The following SLC22A23 variants were observed in gnomAD, a reference collection of about 807,000 sequenced individuals.
The protein encoded by SLC22A23 is ion transporter protein.
SLC22A23 carries 26 observed loss-of-function variants against 61.0 expected under a neutral mutation model. The ratio of observed to expected loss-of-function variants is 0.43; its 90% CI spans 0.31 to 0.59. The LOEUF (loss-of-function observed/expected upper bound fraction) is 0.59, where lower values mean the gene tolerates loss of function less well. Ranked by LOEUF, SLC22A23 falls within the 20% of genes least tolerant of loss-of-function variation. The pLI is 0.11. For synonymous variants in SLC22A23, 430 were observed against 413.9 expected, an observed-to-expected ratio of 1.04 and a Z score of -0.47; for missense variants, 796 against 934.7, an observed-to-expected ratio of 0.85 and a Z score of 1.94.
At chr6:3,451,944 T>G (rs1297341796) in intron 1 of SLC22A23, among the ~76,000 whole-genome samples, 1 of 152,218 alleles carries the variant, frequency 6.6e-6, no homozygotes, top group African/African-American at 2.4e-5. Context: ...ACACGATGGT[T>G]GTGTGAGTAT....
intron 3 of SLC22A23, among the ~76,000 whole-genome samples, chr6:3,337,046 A>G (rs1763898087): frequency 6.6e-6 from 1 of 152,074 alleles, no homozygotes; most frequent in South Asian, 2.1e-4. Context: ...GAGCTCAAAC[A>G]ATCTTCCTAC....
chr6:3,406,545 T>C (rs867002253), intron 3 of SLC22A23, among the ~76,000 whole-genome samples: 2 of 46,722 alleles, frequency 4.3e-5, no homozygotes, highest in African/African-American at 2.4e-4. Context: ...TGTGTGTGTG[T>C]GTGCGCGCAT....
chr6:3,321,500 T>C (rs1762950898), intron 4 of SLC22A23, among the ~76,000 whole-genome samples: 1 of 152,206 alleles, frequency 6.6e-6, no homozygotes, highest in African/African-American at 2.4e-5. Flanking sequence ...TTCAAAGAAT[T>C]TTCCTGAGGT....
At chr6:3,346,981 A>G (rs1764476179) in intron 3 of SLC22A23, among the ~76,000 whole-genome samples, 1 of 152,210 alleles carries the variant, frequency 6.6e-6, no homozygotes, top group African/African-American at 2.4e-5. Context: ...CATATGTATT[A>G]AGGGAATCAC....
At chr6:3,447,047 G>C (rs921202270) in intron 1 of SLC22A23, among the ~76,000 whole-genome samples, 1 of 152,072 alleles carries the variant, frequency 6.6e-6, no homozygotes, top group Non-Finnish European at 1.5e-5. Context: ...TCAAAAATAC[G>C]AACTCTGACT....
chr6:3,383,148 A>G (rs1170486283), intron 3 of SLC22A23, among the ~76,000 whole-genome samples: 1 of 152,128 alleles, frequency 6.6e-6, no homozygotes, highest in East Asian at 1.9e-4. Context: ...ACAAATGATA[A>G]AGCTATAAAG....
rs67335880 is a variant in SLC22A23 at position 3,434,608 on chromosome 6, CA to C, written c.655-18754del. On this transcript the variant is annotated intron_variant, in intron 1 of 9. Transcript: ENST00000406686. ...TGGGCAACAGAGCAAGACTCCATCT[CA>C]AAAAAAAAAAAATCTGTGAAATTAT... Among the ~76,000 whole-genome samples the C allele has an allele frequency of 7.0e-3, 987 of 141,442 alleles. 7 individuals are homozygous for C. Among genetic ancestry groups the C allele is most frequent in the East Asian group, 0.03 (145 of 4,846 alleles). 92.8% of individuals were successfully genotyped at this position (141,442 alleles called of 152,430 possible).
chr6:3,363,787 T>C (rs899343922), intron 3 of SLC22A23, among the ~76,000 whole-genome samples: 1 of 152,250 alleles, frequency 6.6e-6, no homozygotes, highest in African/African-American at 2.4e-5. Flanking sequence ...TGGCCTCTGC[T>C]CAGCCATCTA....
chr6:3,298,366 G>A, intron 4 of SLC22A23, 148 bp from the exon 5 acceptor site: 1 of 868,092 alleles, frequency 1.2e-6, no homozygotes, highest in Non-Finnish European at 1.7e-6. Context: ...ATAAAACTGT[G>A]GGCACTGAAA....
chr6:3,289,739 C>T, intron 6 of SLC22A23, 25 bp downstream of exon 6: 3 of 1,603,836 alleles, frequency 1.9e-6, no homozygotes, highest in East Asian at 2.2e-5. Context: ...TCCCACCCAG[C>T]TGGCACTTGT....
intron 1 of SLC22A23, among the ~76,000 whole-genome samples, chr6:3,441,335 T>C (rs1771581207): frequency 1.3e-5 from 2 of 152,194 alleles, no homozygotes; most frequent in Admixed American, 1.3e-4. Flanking sequence ...ATCATTTCCT[T>C]ACTTACAAAG....
chr6:3,356,700 T>G (rs1305676178), intron 3 of SLC22A23, among the ~76,000 whole-genome samples: 1 of 152,180 alleles, frequency 6.6e-6, no homozygotes, highest in African/African-American at 2.4e-5. Context: ...TGAGATGGGC[T>G]GGCTTGAACC....
chr6:3,279,509 C>CAAAAAAAAAAAA (rs10642564), intron 9 of SLC22A23, among the ~76,000 whole-genome samples: 9,478 of 35,948 alleles, frequency 0.26, 3,826 homozygotes, highest in Non-Finnish European at 0.41. Context: ...GGCTCCGTCT[C>CAAAAAAAAAAAA]AAAAAAAAAA....
intron 3 of SLC22A23, among the ~76,000 whole-genome samples, chr6:3,345,522 C>T (rs1764385116): frequency 6.6e-6 from 1 of 151,998 alleles, no homozygotes; most frequent in South Asian, 2.1e-4. Flanking sequence ...TGCACCAACA[C>T]ACCTGGCTAA....
At chr6:3,276,530 A>T (rs1581582067) in intron 9 of SLC22A23, among the ~76,000 whole-genome samples, 1 of 152,280 alleles carries the variant, frequency 6.6e-6, no homozygotes, top group Non-Finnish European at 1.5e-5. Context: ...CCTGCCTGCA[A>T]GGTGATGCAC....
Position 3,330,375 on chromosome 6 carries a change from C to T in SLC22A23, c.914-6373G>A, listed in dbSNP as rs1763518791. Among the ~76,000 whole-genome samples the T allele has an allele frequency of 6.6e-6, 1 of 152,206 alleles. No homozygotes were observed. Among genetic ancestry groups the T allele is most frequent in the Non-Finnish European group, 1.5e-5 (1 of 68,030 alleles). On this transcript the variant is annotated intron_variant, in intron 3 of 9. Coordinates refer to ENST00000406686, the MANE Select transcript of SLC22A23 (RefSeq NM_015482.2). The surrounding 1 kb of genome is among the most constrained non-coding windows in gnomAD (Gnocchi z 4.7). ...ACCACCACAGTCCTCTGAAGACAGCCCCATCATCCTGGACTGCGCCCCTCC... is the reference window on the plus strand; with the variant it reads ...ACCACCACAGTCCTCTGAAGACAGCTCCATCATCCTGGACTGCGCCCCTCC...
Position 3,309,854 on chromosome 6 carries a change from G to A in SLC22A23, c.1083-11636C>T, listed in dbSNP as rs138620942. Among the ~76,000 whole-genome samples the A allele has an allele frequency of 6.6e-6, 1 of 152,342 alleles. No individual in the cohort carries two copies. The highest frequency in any genetic ancestry group is 1.9e-4 in the East Asian group (1 of 5,186). ...TAACCCAGCCCCTCACTGCACAGCA[G>A]GTGACCTAGGCCTGGCCATGCTAAT... is the stretch of plus-strand genomic sequence containing the variant. On this transcript the variant is annotated intron_variant, in intron 4 of 9. Coordinates refer to ENST00000406686, the MANE Select transcript of SLC22A23 (RefSeq NM_015482.2). The surrounding 1 kb of genome is among the most constrained non-coding windows in gnomAD (Gnocchi z 4.7).
chr6:3,397,206 T>G (rs1162065629), intron 3 of SLC22A23, among the ~76,000 whole-genome samples: 1 of 152,244 alleles, frequency 6.6e-6, no homozygotes, highest in African/African-American at 2.4e-5. Context: ...TATGTAACCT[T>G]AGGCAAGTTA....
At chr6:3,273,498 C>G (rs1158332499) in intron 9 of SLC22A23, 86 bp from the exon 10 acceptor site, 5 of 1,455,886 alleles carry the variant, frequency 3.4e-6, no homozygotes, top group East Asian at 2.3e-5. Flanking sequence ...AGGAAGCCAC[C>G]TCTGCAGGGG....
Sources: allele counts gnomAD v4.1 joint callset (sites outside exome capture counted in the v4.1 genomes callset), GRCh38; gene constraint gnomAD v4.1.1; non-coding constraint Gnocchi (gnomAD v3.1); transcripts MANE v1.5; gene names NCBI Gene and HGNC (gene_info 2026-07-23, HGNC 2026-07-21).